The following TCEANC2 variants were observed in gnomAD, a reference collection of about 807,000 sequenced individuals.
The protein encoded by TCEANC2 is transcription elongation factor A N-terminal and central domain containing 2.
A neutral mutation model predicts 22.8 loss-of-function variants in TCEANC2; 20 were observed. That is an observed-to-expected ratio of 0.88 (90% CI 0.62 to 1.28). The LOEUF is 1.28. Among genes scored for constraint, TCEANC2 ranks in the 50% most tolerant of loss-of-function variants. The pLI is 0.00. For missense variants in TCEANC2, 251 were observed against 249.7 expected (o/e 1.01, Z -0.03); for synonymous variants, 84 against 95.5 (o/e 0.88, Z 0.70).
chr1:54,089,021 C>T (rs977810223), intron 4 of TCEANC2, among the ~76,000 whole-genome samples: 6 of 152,278 alleles, frequency 3.9e-5, no homozygotes, highest in Admixed American at 3.9e-4. Context: ...TTGTAGGAGG[C>T]AGGCTTTTGA....
chr1:54,093,991 G>A (rs1658497787), intron 4 of TCEANC2, among the ~76,000 whole-genome samples: 1 of 152,184 alleles, frequency 6.6e-6, no homozygotes, highest in Admixed American at 6.5e-5. Context: ...GTAGTCTGGT[G>A]CCAGGCCTGC....
intron 2 of TCEANC2, among the ~76,000 whole-genome samples, chr1:54,063,197 C>T (rs1397789318): frequency 1.3e-5 from 2 of 152,146 alleles, no homozygotes; most frequent in Non-Finnish European, 2.9e-5. Context: ...TAGAATTGAT[C>T]TCCTATGTGA....
At chr1:54,055,411 C>A (rs1657734117) in intron 2 of TCEANC2, among the ~76,000 whole-genome samples, 2 of 152,186 alleles carry the variant, frequency 1.3e-5, no homozygotes, top group African/African-American at 4.8e-5. Context: ...CAAAACAAAA[C>A]AACTTGTACT....
chr1:54,080,797 C>T (rs1331729210), intron 3 of TCEANC2, among the ~76,000 whole-genome samples: 2 of 152,232 alleles, frequency 1.3e-5, no homozygotes, highest in Non-Finnish European at 2.9e-5. Context: ...ATCCCCTAAC[C>T]TTAAACCCAG....
intron 2 of TCEANC2, among the ~76,000 whole-genome samples, chr1:54,060,621 G>A (rs761488017): frequency 9.2e-5 from 14 of 151,838 alleles, no homozygotes; most frequent in Non-Finnish European, 1.8e-4. Flanking sequence ...TTACAGAATT[G>A]TCATATAGAC....
At chr1:54,083,183 G>A (rs1658278290) in intron 3 of TCEANC2, among the ~76,000 whole-genome samples, 1 of 152,194 alleles carries the variant, frequency 6.6e-6, no homozygotes, top group African/African-American at 2.4e-5. Context: ...GAATAAGCAG[G>A]TGGAGATGTC....
chr1:54,109,760 C>T (rs1212366951), downstream of TCEANC2, among the ~76,000 whole-genome samples: 1 of 152,188 alleles, frequency 6.6e-6, no homozygotes, highest in Non-Finnish European at 1.5e-5. Flanking sequence ...TTTCATGGTT[C>T]TGAAGTTGGT....
At chr1:54,069,560 A>G (rs1229626151) in intron 3 of TCEANC2, among the ~76,000 whole-genome samples, 1 of 151,302 alleles carries the variant, frequency 6.6e-6, no homozygotes, top group East Asian at 1.9e-4. Flanking sequence ...GTGAGCCAAG[A>G]TCGTGCCACT....
intron 2 of TCEANC2, among the ~76,000 whole-genome samples, chr1:54,063,780 A>T (rs376935217): frequency 1.4e-4 from 21 of 152,334 alleles, no homozygotes; most frequent in African/African-American, 4.6e-4. Context: ...ATACAATGTA[A>T]ATGCTTTGTA....
At chr1:54,069,697 C>G (rs1012736450) in intron 3 of TCEANC2, among the ~76,000 whole-genome samples, 1 of 151,242 alleles carries the variant, frequency 6.6e-6, no homozygotes, top group Non-Finnish European at 1.5e-5. Flanking sequence ...TAAATAAAAA[C>G]GTGTAAATAG....
chr1:54,096,400 G>A lies in TCEANC2; in HGVS notation c.554G>A (p.Arg185Gln), dbSNP rs765027682. Residue 185 changes from arginine (R) to glutamine (Q), a missense_variant, in exon 5 of 5, where the codon CGA becomes CAA. Transcript: ENST00000234827. This position sits in a 1 kb window ranked among gnomAD's most constrained non-coding sequence, Gnocchi z 4.9. Reference protein sequence around the residue: ...VRALVFTLKHRAEIRAQVKSG... With the variant: ...VRALVFTLKHQAEIRAQVKSG... ...GCCCTGGTCTTCACATTAAAGCACC[G>A]AGCTGAAATCCGGGCTCAGGTGAAG... 1.9e-6 allele frequency: 3 copies of A among 1,613,558 alleles called. No individual in the cohort carries two copies. The highest frequency in any genetic ancestry group is 1.1e-5 in the South Asian group (1 of 91,080).
chr1:54,071,508 A>G (rs769529020), intron 3 of TCEANC2, among the ~76,000 whole-genome samples: 3 of 152,196 alleles, frequency 2.0e-5, no homozygotes, highest in Non-Finnish European at 4.4e-5. Context: ...CCCCAGAACA[A>G]GTGATCCAGG....
At chr1:54,085,428 C>A (rs910898919) in intron 3 of TCEANC2, among the ~76,000 whole-genome samples, 3 of 152,024 alleles carry the variant, frequency 2.0e-5, no homozygotes, top group African/African-American at 7.3e-5. Context: ...TCAATGATGC[C>A]TCTTTCATTA....
chr1:54,080,455 T>C (rs983680797), intron 3 of TCEANC2, among the ~76,000 whole-genome samples: 1 of 152,196 alleles, frequency 6.6e-6, no homozygotes, highest in African/African-American at 2.4e-5. Flanking sequence ...TGAGTTATTA[T>C]TAAGACCAGG....
chr1:54,074,919 G>GT (rs1394957272), intron 3 of TCEANC2, among the ~76,000 whole-genome samples: 2 of 152,174 alleles, frequency 1.3e-5, no homozygotes, highest in Non-Finnish European at 2.9e-5. Context: ...AGAAAGTTCT[G>GT]TTTTTTAAGA....
chr1:54,089,432 T>G (rs1485548334), intron 4 of TCEANC2, among the ~76,000 whole-genome samples: 3 of 152,210 alleles, frequency 2.0e-5, no homozygotes, highest in Non-Finnish European at 4.4e-5. Flanking sequence ...CCTTCATGGC[T>G]TACAATTCAG....
intron 2 of TCEANC2, among the ~76,000 whole-genome samples, chr1:54,058,602 C>T (rs948969746): frequency 6.6e-6 from 1 of 152,146 alleles, no homozygotes; most frequent in African/African-American, 2.4e-5. Context: ...TACCTTGTAG[C>T]CCCTGCTTTA....
At chr1:54,075,756 C>G (rs1000151020) in intron 3 of TCEANC2, among the ~76,000 whole-genome samples, 5 of 152,120 alleles carry the variant, frequency 3.3e-5, no homozygotes, top group Non-Finnish European at 7.4e-5. Context: ...GCTCACACCT[C>G]TAATCCCAGC....
chr1:54,063,975 T>A (rs1248851528), intron 2 of TCEANC2, among the ~76,000 whole-genome samples: 2 of 152,122 alleles, frequency 1.3e-5, no homozygotes, highest in East Asian at 1.9e-4. Flanking sequence ...TTTTCAAAAC[T>A]GAAAAAAATT....
Sources: allele counts gnomAD v4.1 joint callset (sites outside exome capture counted in the v4.1 genomes callset), GRCh38; gene constraint gnomAD v4.1.1; non-coding constraint Gnocchi (gnomAD v3.1); transcripts MANE v1.5; gene names NCBI Gene and HGNC (gene_info 2026-07-23, HGNC 2026-07-21).